The following CHD7 variants were observed in gnomAD, a reference collection of about 807,000 sequenced individuals.
CHD7 encodes chromodomain helicase DNA binding protein 7.
A neutral mutation model predicts 307.3 loss-of-function variants in CHD7; 24 were observed. The ratio of observed to expected loss-of-function variants is 0.08; its 90% CI spans 0.06 to 0.11. The LOEUF (loss-of-function observed/expected upper bound fraction) is 0.11. CHD7 is among the 10% of genes least tolerant of loss of function. The probability of loss-of-function intolerance (pLI) is 1.00; values close to 1 mark genes in which losing one functional copy is unlikely to be tolerated. For missense variants in CHD7, 3,106 were observed against 3,727.1 expected, an observed-to-expected ratio of 0.83 and a Z score of 4.34; for synonymous variants, 1,363 against 1,349.9, an observed-to-expected ratio of 1.01 and a Z score of -0.21.
At chr8:60,815,115 T>C (rs1280096817) in intron 7 of CHD7, among the ~76,000 whole-genome samples, 1 of 152,248 alleles carries the variant, frequency 6.6e-6, no homozygotes, top group Admixed American at 6.5e-5. Context: ...TTCATAGCTA[T>C]GTAAGTCATA....
intron 2 of CHD7, among the ~76,000 whole-genome samples, chr8:60,769,917 G>A (rs755371770): frequency 2.0e-5 from 3 of 152,242 alleles, no homozygotes; most frequent in Non-Finnish European, 2.9e-5. Flanking sequence ...ATACCAAAGT[G>A]TGAAGGAAAC....
chr8:60,845,380 C>T lies in CHD7; in HGVS notation c.5181C>T (p.Tyr1727=), dbSNP rs398124320. ...ATGCCCTGTTCCAGGAGGACAGCTA[C>T]AAGAAACACCTGAAGCATCACTGTA... The part of the protein sequence containing the change: ...NPDALFQEDS[Y]KKHLKHHCNK... The change falls in exon 23 of 38, where the codon TAC becomes TAT. Residue 1727 remains tyrosine, a synonymous_variant. Transcript: ENST00000423902. 4 of 1,613,970 alleles carry T rather than the reference C, an allele frequency of 2.5e-6. No homozygotes were observed. In the South Asian group the frequency reaches 3.3e-5, roughly 13 times the overall value.
Position 60,728,160 on chromosome 8 carries a change from G to T in CHD7, c.-174-13099G>T, listed in dbSNP as rs570896912. Among the ~76,000 whole-genome samples the T allele has an allele frequency of 9.2e-5, 14 of 152,358 alleles. No homozygotes were observed. The South Asian group carries it at 2.9e-3, about 32-fold the overall frequency. ...TAAAAACTGTGGATTATTTGACTCT[G>T]TTGATGGGAAATTTGCCAGGCCATG... On this transcript the variant is annotated intron_variant, in intron 1 of 37. Coordinates refer to ENST00000423902, the MANE Select transcript of CHD7 (RefSeq NM_017780.4).
intron 2 of CHD7, among the ~76,000 whole-genome samples, chr8:60,770,232 GA>G (rs1396524145): frequency 6.6e-6 from 1 of 152,196 alleles, no homozygotes; most frequent in Non-Finnish European, 1.5e-5. Context: ...AGATAAGAGA[GA>G]AAATCTGACT....
At position 60,832,981 on chromosome 8, in the gene CHD7, A is replaced by G. The variant is rs1430860797; in HGVS notation, c.3778+2404A>G. ...CTTTGTCCCTAAATTTGGGGAAGTT[A>G]TAGTGAAAAAGTGTAGATAACATAC... On this transcript the variant is annotated intron_variant, in intron 15 of 37. Coordinates refer to ENST00000423902, the MANE Select transcript of CHD7 (RefSeq NM_017780.4). Among the ~76,000 whole-genome samples, 3 of 152,222 alleles carry G rather than the reference A, an allele frequency of 2.0e-5. No homozygotes were observed. The South Asian group carries it at 6.2e-4, about 32-fold the overall frequency.
intron 19 of CHD7, among the ~76,000 whole-genome samples, chr8:60,840,217 C>T (rs182454779): frequency 3.3e-5 from 5 of 152,318 alleles, no homozygotes; most frequent in Non-Finnish European, 5.9e-5. Flanking sequence ...TTGTCCTAGC[C>T]GCTCCAATCT....
In CHD7 at chr8:60,865,880, C is replaced by T. The variant is rs1806223581; in HGVS notation, c.8941C>T (p.Leu2981=). 3.7e-6 allele frequency: 6 copies of T among 1,611,170 alleles called. No individual in the cohort carries two copies. The highest frequency in any genetic ancestry group is 1.1e-5 in the South Asian group (1 of 90,424). The change falls in exon 38 of 38, where the codon CTA becomes TTA. Residue 2981 remains leucine (L), a synonymous_variant. Coordinates refer to ENST00000423902, the MANE Select transcript of CHD7 (RefSeq NM_017780.4). The surrounding 1 kb of genome is among the most constrained non-coding windows in gnomAD (Gnocchi z 4.3). ...LEDEIAQGEE[L]DSLDGGDEIE... ...AGACGAAATAGCACAGGGTGAAGAG[C>T]TAGACTCACTTGATGGGGGGGATGA...
intron 1 of CHD7, among the ~76,000 whole-genome samples, chr8:60,681,963 T>A (rs1265836581): frequency 6.6e-6 from 1 of 152,208 alleles, no homozygotes; most frequent in Non-Finnish European, 1.5e-5. Flanking sequence ...GCCTTATTTT[T>A]AAATTAGTTT....
At chr8:60,719,654 C>G (rs1807797828) in intron 1 of CHD7, among the ~76,000 whole-genome samples, 1 of 152,178 alleles carries the variant, frequency 6.6e-6, no homozygotes, top group African/African-American at 2.4e-5. Flanking sequence ...TGCACCTGCC[C>G]TCAGGGAGCT....
Position 60,819,991 on chromosome 8 carries a change from T to G in CHD7, c.2614-16T>G. The G allele has an allele frequency of 6.4e-7, 1 of 1,553,346 alleles. No individual in the cohort carries two copies. Among genetic ancestry groups the G allele is most frequent in the Non-Finnish European group, 8.8e-7 (1 of 1,135,402 alleles). Reference sequence around the variant, plus strand: ...AATAAGTAAACCTTTAACTTTTTTTTTTCCCTTTGGTGTAGATTGAGGATG... The same window carrying G: ...AATAAGTAAACCTTTAACTTTTTTTGTTCCCTTTGGTGTAGATTGAGGATG... On this transcript the variant is annotated splice_polypyrimidine_tract_variant and intron_variant, in intron 8 of 37. Transcript: ENST00000423902.
chr8:60,703,647 A>G (rs1171598088), intron 1 of CHD7, among the ~76,000 whole-genome samples: 3 of 152,186 alleles, frequency 2.0e-5, no homozygotes, highest in African/African-American at 4.8e-5. Context: ...CTGATCCATG[A>G]TCTTGTCCCA....
intron 7 of CHD7, among the ~76,000 whole-genome samples, chr8:60,813,468 A>G (rs1812905704): frequency 6.6e-6 from 1 of 152,188 alleles, no homozygotes; most frequent in Non-Finnish European, 1.5e-5. Flanking sequence ...GTAGGTATCC[A>G]TGCTTTCTGA....
At position 60,859,238 on chromosome 8, in the gene CHD7, G is replaced by T. The variant is rs145943863; in HGVS notation, c.7609-1666G>T. Among the ~76,000 whole-genome samples the T allele has an allele frequency of 2.4e-3, 364 of 152,156 alleles. 1 individual carries two copies. The highest frequency in any genetic ancestry group is 8.3e-3 in the African/African-American group (343 of 41,514). ...ATAAAATACAAGGAAAGCACTGCTCGATCTGTAAATAAACCAAGTAGGAAA... is the reference window on the plus strand; with the variant it reads ...ATAAAATACAAGGAAAGCACTGCTCTATCTGTAAATAAACCAAGTAGGAAA... On this transcript the variant is annotated intron_variant, in intron 34 of 37. Transcript: ENST00000423902.
chr8:60,680,403 GGGGGGGGC>G (rs1444481255), intron 1 of CHD7, among the ~76,000 whole-genome samples: 1 of 130,004 alleles, frequency 7.7e-6, no homozygotes, highest in African/African-American at 2.9e-5. Flanking sequence ...GGTCGCGGGG[GGGGGGGGC>G]GGGGGCGGCG....
intron 13 of CHD7, 73 bp from the exon 14 acceptor site, chr8:60,828,590 T>C: frequency 2.9e-6 from 4 of 1,388,404 alleles, no homozygotes; most frequent in Non-Finnish European, 3.9e-6. Flanking sequence ...AATGGGTGTC[T>C]AGTGAGAGGC....
chr8:60,733,919 T>G (rs1808580624), intron 1 of CHD7, among the ~76,000 whole-genome samples: 1 of 152,236 alleles, frequency 6.6e-6, no homozygotes, highest in African/African-American at 2.4e-5. Flanking sequence ...AACTGCATTT[T>G]TTTGACTTGC....
intron 1 of CHD7, among the ~76,000 whole-genome samples, chr8:60,715,180 GAACT>G (rs758857835): frequency 5.5e-4 from 84 of 152,296 alleles, no homozygotes; most frequent in Non-Finnish European, 9.4e-4. Flanking sequence ...TGAGAGTGAA[GAACT>G]AACAGCTTTG....
chr8:60,803,471 T>C (rs1351191196), intron 6 of CHD7, among the ~76,000 whole-genome samples: 1 of 152,216 alleles, frequency 6.6e-6, no homozygotes, highest in Non-Finnish European at 1.5e-5. Context: ...TAGATACTGT[T>C]AACCATTTAC....
Position 60,794,967 on chromosome 8 carries a change from G to T in CHD7, c.2097-19G>T. On this transcript the variant is annotated intron_variant, in intron 3 of 37. Transcript: ENST00000423902. The stretch of plus-strand genomic sequence containing the variant: ...AACACATTAAAAGTGAACACTAAGC[G>T]ATCCACTTTGAATTCTAGTAATAAG... The T allele has an allele frequency of 6.2e-7, 1 of 1,607,256 alleles. No individual in the cohort carries two copies. The highest frequency in any genetic ancestry group is 8.5e-7 in the Non-Finnish European group (1 of 1,176,920).
Sources: allele counts gnomAD v4.1 joint callset (sites outside exome capture counted in the v4.1 genomes callset), GRCh38; gene constraint gnomAD v4.1.1; non-coding constraint Gnocchi (gnomAD v3.1); transcripts MANE v1.5; gene names NCBI Gene and HGNC (gene_info 2026-07-23, HGNC 2026-07-21).